Variants in HELLS observed in about 807,000 individuals in gnomAD.
HELLS encodes the protein helicase, lymphoid specific.
In HELLS, 32 loss-of-function variants were observed where a neutral mutation model predicts 120.0. That is an observed-to-expected ratio of 0.27 (90% CI 0.20 to 0.36). The LOEUF is 0.36. Ranked by LOEUF, HELLS falls within the 10% of genes least tolerant of loss-of-function variation. HELLS has a pLI of 1.00. For missense variants in HELLS, 650 were observed against 993.4 expected (o/e 0.65, Z 4.65); for synonymous variants, 341 against 323.4 (o/e 1.05, Z -0.58).
chr10:94,603,451 C>T (rs1053158579), downstream of HELLS, among the ~76,000 whole-genome samples: 2 of 152,276 alleles, frequency 1.3e-5, no homozygotes, highest in Admixed American at 6.5e-5. Context: ...TGACTCTTTT[C>T]TCAGTTTCCT....
At position 94,562,693 on chromosome 10, in the gene HELLS, T is replaced by G; in HGVS notation, c.336T>G (p.Gly112=). The G allele has an allele frequency of 6.3e-7, 1 of 1,583,380 alleles. No homozygotes were observed. The highest frequency in any genetic ancestry group is 8.6e-7 in the Non-Finnish European group (1 of 1,158,118). ...TATTCTGAATCCTTGTTTTGTAGGG[T>G]AAAAATTCAATTGATGCAAGTGAAG... ...RKKESLKVKK[G]KNSIDASEEK... Residue 112 remains glycine, a splice_region_variant and synonymous_variant, in exon 5 of 22, where the codon GGT becomes GGG. Transcript: ENST00000348459.
intron 19 of HELLS, among the ~76,000 whole-genome samples, chr10:94,596,182 C>T (rs1275867852): frequency 6.6e-6 from 1 of 151,992 alleles, no homozygotes; most frequent in Non-Finnish European, 1.5e-5. Flanking sequence ...TTTTTAAATG[C>T]TGACATTTTT....
At chr10:94,563,058 T>G (rs1225560899) in intron 6 of HELLS, among the ~76,000 whole-genome samples, 182 bp downstream of exon 6, 1 of 151,932 alleles carries the variant, frequency 6.6e-6, no homozygotes, top group Non-Finnish European at 1.5e-5. Flanking sequence ...CAACCTACAG[T>G]AGACTTGAGA....
At chr10:94,579,019 GCTGTGTGGC>G (rs1204435064) in intron 10 of HELLS, among the ~76,000 whole-genome samples, 1 of 152,062 alleles carries the variant, frequency 6.6e-6, no homozygotes, top group Non-Finnish European at 1.5e-5. Flanking sequence ...CTTACCTCCT[GCTGTGTGGC>G]CTGGTTCCTA....
downstream of HELLS, among the ~76,000 whole-genome samples, chr10:94,605,491 G>A (rs75372209): frequency 3.5e-3 from 530 of 152,142 alleles, 4 homozygotes; most frequent in Non-Finnish European, 6.2e-3. Context: ...TTGAGAACTC[G>A]CATATCTGGC....
At chr10:94,583,529 CAA>C (rs1227631796) in intron 12 of HELLS, among the ~76,000 whole-genome samples, 1 of 152,158 alleles carries the variant, frequency 6.6e-6, no homozygotes, top group East Asian at 1.9e-4. Flanking sequence ...CAATTTTATT[CAA>C]AGTCTTTATC....
At chr10:94,571,688 G>A (rs959514804) in intron 7 of HELLS, among the ~76,000 whole-genome samples, 1 of 152,152 alleles carries the variant, frequency 6.6e-6, no homozygotes. Context: ...CTTTTAACTT[G>A]TGAATCTGGC....
At chr10:94,567,094 C>T (rs1843839279) in intron 6 of HELLS, among the ~76,000 whole-genome samples, 2 of 152,320 alleles carry the variant, frequency 1.3e-5, no homozygotes, top group African/African-American at 4.8e-5. Flanking sequence ...ATCTCTAAAT[C>T]TGTGAATGCA....
chr10:94,545,950 G>A lies in HELLS; in HGVS notation c.29G>A (p.Gly10Asp), dbSNP rs1266313394. 3.2e-6 allele frequency: 5 copies of A among 1,556,272 alleles called. No homozygotes were observed. The South Asian group carries it at 5.9e-5, about 18-fold the overall frequency. Residue 10 changes from glycine (G) to aspartate (D), a missense_variant and splice_region_variant, in exon 1 of 22, where the codon GGC becomes GAC. Coordinates refer to ENST00000348459, the MANE Select transcript of HELLS (RefSeq NM_018063.5). MPAERPAGS[G>D]GSEAPAMVEQ... is the part of the protein sequence containing the mutation. ...CCAGCGGAACGGCCCGCGGGCAGCG[G>A]CGGTGAGTGAGGAAAACCTTTTGGG... is the stretch of plus-strand genomic sequence containing the variant.
rs1223674309 is a variant in HELLS, at chr10:94,591,333, A to G, written c.1767+557A>G. ...ATTGCTTAAAGATCAACAGGTAGCC[A>G]TAGAATAAAACCAGTTTTGATTTGG... On this transcript the variant is annotated intron_variant, in intron 15 of 21. Coordinates refer to ENST00000348459, the MANE Select transcript of HELLS (RefSeq NM_018063.5). 7.9e-5 allele frequency among the ~76,000 whole-genome samples: 12 copies of G among 152,246 alleles called. No homozygotes were observed. In the East Asian group the frequency reaches 2.1e-3, roughly 27 times the overall value.
At chr10:94,552,246 T>TTGTCTAGAC (rs56857074) in intron 2 of HELLS, among the ~76,000 whole-genome samples, 66,681 of 151,606 alleles carry the variant, frequency 0.44, 14,882 homozygotes, top group East Asian at 0.71. Context: ...AGTCAAGAGT[T>TTGTCTAGAC]TGTATAAAAT....
At chr10:94,598,497 C>G (rs1292445035) in intron 21 of HELLS, among the ~76,000 whole-genome samples, 1 of 152,036 alleles carries the variant, frequency 6.6e-6, no homozygotes, top group African/African-American at 2.4e-5. Context: ...AAACATTTAC[C>G]TGCGTGGCAC....
chr10:94,546,643 T>C (rs1842766070), intron 2 of HELLS, 145 bp downstream of exon 2: 5 of 892,040 alleles, frequency 5.6e-6, no homozygotes, highest in African/African-American at 5.0e-5. Context: ...GTCTTTTTTG[T>C]ATGTTTACAG....
intron 2 of HELLS, 53 bp from the exon 3 acceptor site, chr10:94,554,073 A>G: frequency 2.0e-6 from 3 of 1,497,820 alleles, no homozygotes; most frequent in Non-Finnish European, 1.8e-6. Context: ...TGCCAAAAAA[A>G]TTAAGGTATG....
At chr10:94,570,004 G>A (rs1047805170) in intron 6 of HELLS, 2 of 151,546 alleles carry the variant, frequency 1.3e-5, no homozygotes, top group African/African-American at 2.4e-5. Context: ...AGTTAAATAC[G>A]GAAGTTTGTG....
At chr10:94,607,436 G>C (rs118053715) in intron 8 of HELLS, among the ~76,000 whole-genome samples, 4,570 of 152,160 alleles carry the variant, frequency 0.03, 87 homozygotes, top group Admixed American at 0.043. Context: ...GGGACAGAGG[G>C]GAATAGATGG....
At chr10:94,610,100 C>T (rs1846174535) in exon 10 of HELLS, 1 of 152,132 alleles carries the variant, frequency 6.6e-6, no homozygotes, top group Non-Finnish European at 1.5e-5. Context: ...GCTCACATTT[C>T]ACCTAGAATG....
intron 7 of HELLS, among the ~76,000 whole-genome samples, chr10:94,572,084 A>G (rs980555139): frequency 1.3e-5 from 2 of 152,198 alleles, no homozygotes; most frequent in Admixed American, 1.3e-4. Context: ...ATTTTGTCCA[A>G]AATTTATATT....
chr10:94,608,044 G>A (rs1302360572), intron 9 of HELLS: 5 of 216,540 alleles, frequency 2.3e-5, no homozygotes, highest in Non-Finnish European at 5.0e-5. Context: ...TTTATAAGAA[G>A]CCTACAAAGC....
Sources: allele counts gnomAD v4.1 joint callset (sites outside exome capture counted in the v4.1 genomes callset), GRCh38; gene constraint gnomAD v4.1.1; transcripts MANE v1.5; gene names NCBI Gene and HGNC (gene_info 2026-07-23, HGNC 2026-07-21).